The following ERVH48-1 variants were observed in gnomAD, a reference collection of about 807,000 sequenced individuals.
ERVH48-1 encodes suppressyn.
ERVH48-1 carries 4 observed loss-of-function variants against 2.4 expected under a neutral mutation model. The observed-to-expected ratio is 1.68, with a 90% confidence interval of 0.83 to 3.84. ERVH48-1 has a LOEUF of 3.84. Ranked by LOEUF, ERVH48-1 falls within the 30% of genes most tolerant of loss-of-function variation. The probability of loss-of-function intolerance (pLI) is 0.01; values close to 1 mark genes in which losing one functional copy is unlikely to be tolerated. For missense variants in ERVH48-1, 97 were observed against 43.4 expected (o/e 2.23, Z -3.47); for synonymous variants, 32 against 15.5 (o/e 2.06, Z -2.49).
chr21:42,924,248 G>A lies in ERVH48-1; in HGVS notation c.-286+1098C>T, dbSNP rs1159109018. Reference sequence around the variant, plus strand: ...AATGGGTACAGGCAGTGCAAGAATTGTCCTGAGGAGAGGATGGTGTAGGAA... The same window carrying A: ...AATGGGTACAGGCAGTGCAAGAATTATCCTGAGGAGAGGATGGTGTAGGAA... On this transcript the variant is annotated intron_variant, in intron 1 of 1. Transcript: ENST00000447535. Among the ~76,000 whole-genome samples the A allele has an allele frequency of 1.1e-4, 16 of 152,234 alleles. No individual in the cohort carries two copies. The South Asian group carries it at 2.3e-3, about 22-fold the overall frequency.
intron 1 of ERVH48-1, among the ~76,000 whole-genome samples, chr21:42,921,198 AG>A (rs1354755690): frequency 6.6e-6 from 1 of 151,960 alleles, no homozygotes; most frequent in Non-Finnish European, 1.5e-5. Context: ...AGAGGGAGAA[AG>A]GTTTGGTGAG....
chr21:42,920,597 G>C (rs1006834723), intron 1 of ERVH48-1, among the ~76,000 whole-genome samples: 1 of 152,162 alleles, frequency 6.6e-6, no homozygotes, highest in African/African-American at 2.4e-5. Flanking sequence ...TGAGGACGAT[G>C]AGTTCAGCCT....
At chr21:42,924,569 G>T (rs1351939724) in intron 1 of ERVH48-1, among the ~76,000 whole-genome samples, 1 of 152,244 alleles carries the variant, frequency 6.6e-6, no homozygotes, top group South Asian at 2.1e-4. Flanking sequence ...AGCAATAATT[G>T]CTTAAGTCAG....
chr21:42,920,270 AGAG>A (rs2058801961), intron 1 of ERVH48-1, among the ~76,000 whole-genome samples: 1 of 152,120 alleles, frequency 6.6e-6, no homozygotes, highest in Non-Finnish European at 1.5e-5. Context: ...TGGGGAGTAA[AGAG>A]GAGAGAACGA....
In ERVH48-1 at chr21:42,922,664, C is replaced by T. The variant is rs188292323; in HGVS notation, c.-286+2682G>A. 3.1e-3 allele frequency among the ~76,000 whole-genome samples: 447 copies of T among 145,820 alleles called. 1 individual carries two copies. The highest frequency in any genetic ancestry group is 0.01 in the African/African-American group (396 of 39,396). On this transcript the variant is annotated intron_variant, in intron 1 of 1. Transcript: ENST00000447535. Reference sequence around the variant, plus strand: ...CTGAGGCAGGAGAATGGCGTGAACCCGGGAGGCGGAGCTTGCAGTGAGCGG... The same window carrying T: ...CTGAGGCAGGAGAATGGCGTGAACCTGGGAGGCGGAGCTTGCAGTGAGCGG...
At chr21:42,925,081 G>T (rs182319824) in intron 1 of ERVH48-1, among the ~76,000 whole-genome samples, 3,116 of 152,192 alleles carry the variant, frequency 0.02, 46 homozygotes, top group South Asian at 0.075. Flanking sequence ...GAGTAGCTGG[G>T]ATTACAGGGG....
intron 1 of ERVH48-1, among the ~76,000 whole-genome samples, chr21:42,922,719 G>A (rs1194967123): frequency 7.9e-6 from 1 of 126,428 alleles, no homozygotes; most frequent in Non-Finnish European, 1.6e-5. Flanking sequence ...CAGCCTGGGA[G>A]ACAGAGCCAG....
rs1169606506 is a variant in ERVH48-1 at position 42,917,854 on chromosome 21, A to G, written c.*670T>C. ...TGGCTCCCTCCTACCTCCAAGGATC[A>G]TTTTTCTCTGGTTATCATACACAGG... On this transcript the variant is annotated 3_prime_UTR_variant, in exon 2 of 2. Coordinates refer to ENST00000447535, the MANE Select transcript of ERVH48-1 (RefSeq NM_001308491.2). The G allele has an allele frequency of 2.0e-5, 3 of 152,092 alleles. No individual in the cohort carries two copies. The highest frequency in any genetic ancestry group is 2.9e-5 in the Non-Finnish European group (2 of 68,052). 9.4% of individuals were successfully genotyped at this position (152,092 alleles called of 1,614,324 possible). A position where few individuals can be genotyped will look rare whatever the true frequency, so the allele number is the denominator to read the frequency against.
chr21:42,919,081 G>A lies in ERVH48-1; in HGVS notation c.-75C>T. The A allele has an allele frequency of 5.8e-6, 7 of 1,207,170 alleles. No homozygotes were observed. The highest frequency in any genetic ancestry group is 6.3e-6 in the Non-Finnish European group (6 of 948,116). 74.8% of individuals were successfully genotyped at this position (1,207,170 alleles called of 1,614,324 possible). On this transcript the variant is annotated 5_prime_UTR_variant, in exon 2 of 2. Coordinates refer to ENST00000447535, the MANE Select transcript of ERVH48-1 (RefSeq NM_001308491.2). The stretch of plus-strand genomic sequence containing the variant: ...AATGTTGGTTAATTTAAACTTGGTA[G>A]GAGAAATTGGCCCAGACAAACACTT...
chr21:42,924,444 C>T (rs181892484), intron 1 of ERVH48-1, among the ~76,000 whole-genome samples: 32 of 151,966 alleles, frequency 2.1e-4, no homozygotes, highest in Admixed American at 1.9e-3. Flanking sequence ...GCGATCAGGG[C>T]GGCGAGAATG....
intron 1 of ERVH48-1, among the ~76,000 whole-genome samples, chr21:42,924,556 G>A (rs1225308428): frequency 2.0e-5 from 3 of 152,164 alleles, no homozygotes; most frequent in Non-Finnish European, 2.9e-5. Context: ...TTTTCCAGCC[G>A]TCAGCAATAA....
At chr21:42,920,681 A>G (rs1488593595) in intron 1 of ERVH48-1, among the ~76,000 whole-genome samples, 1 of 152,178 alleles carries the variant, frequency 6.6e-6, no homozygotes, top group Non-Finnish European at 1.5e-5. Flanking sequence ...CATAGCCAGC[A>G]TGTTGGCATC....
intron 1 of ERVH48-1, among the ~76,000 whole-genome samples, chr21:42,922,718 A>C (rs929938528): frequency 2.3e-4 from 29 of 126,804 alleles, no homozygotes; most frequent in Non-Finnish European, 3.5e-4. Context: ...CCAGCCTGGG[A>C]GACAGAGCCA....
chr21:42,922,734 C>T (rs1398349871), intron 1 of ERVH48-1, among the ~76,000 whole-genome samples: 28 of 103,714 alleles, frequency 2.7e-4, no homozygotes, highest in African/African-American at 1.0e-3. Context: ...AGCCAGACTC[C>T]GTCTCAAAAA....
In ERVH48-1 at chr21:42,918,557, C is replaced by T. The variant is rs1009576611; in HGVS notation, c.450G>A (p.Pro150=). 13 of 456,108 alleles carry T rather than the reference C, an allele frequency of 2.9e-5. No homozygotes were observed. Among genetic ancestry groups the T allele is most frequent in the African/African-American group, 1.8e-4 (9 of 50,018 alleles). The allele number at this position is 456,108 out of a possible 1,614,324, so 28.3% of individuals were successfully genotyped here. A position where few individuals can be genotyped will look rare whatever the true frequency, so the allele number is the denominator to read the frequency against. ...TTTGTATAAAGGAATGGAAATGCCG[C>T]GGGCGATTTTCAGGGGGAGTTGTTG... ...SKPTTPPENR[P]RHFHSFIQKL is the part of the protein sequence containing the mutation. Residue 150 remains proline, a synonymous_variant, in exon 2 of 2, where the codon CCG becomes CCA. Coordinates refer to ENST00000447535, the MANE Select transcript of ERVH48-1 (RefSeq NM_001308491.2).
chr21:42,919,154 C>T lies in ERVH48-1; in HGVS notation c.-148G>A. 1 of 1,021,756 alleles carries T rather than the reference C, an allele frequency of 9.8e-7. No homozygotes were observed. Among genetic ancestry groups the T allele is most frequent in the Non-Finnish European group, 1.3e-6 (1 of 789,702 alleles). 63.3% of individuals were successfully genotyped at this position (1,021,756 alleles called of 1,614,324 possible). A position where few individuals can be genotyped will look rare whatever the true frequency, so the allele number is the denominator to read the frequency against. On this transcript the variant is annotated 5_prime_UTR_variant, in exon 2 of 2. Transcript: ENST00000447535. ...GAAGCTGCCTTGGGGGTGAGCTTGA[C>T]CCTGGTGCGATGGATCCAGTTGGGG...
chr21:42,920,145 T>C (rs1341321037), intron 1 of ERVH48-1, among the ~76,000 whole-genome samples: 1 of 151,686 alleles, frequency 6.6e-6, no homozygotes, highest in East Asian at 1.9e-4. Flanking sequence ...GAAAGAGTTG[T>C]GGAGGCTTTG....
intron 1 of ERVH48-1, among the ~76,000 whole-genome samples, chr21:42,922,094 A>T (rs138009598): frequency 6.6e-6 from 1 of 152,216 alleles, no homozygotes; most frequent in Non-Finnish European, 1.5e-5. Context: ...ACTGGCGAGG[A>T]GGCGAGAAAT....
In ERVH48-1 at chr21:42,923,792, G is replaced by A. The variant is rs895603598; in HGVS notation, c.-286+1554C>T. Among the ~76,000 whole-genome samples, 4 of 152,286 alleles carry A rather than the reference G, an allele frequency of 2.6e-5. No individual in the cohort carries two copies. In the East Asian group the frequency reaches 5.8e-4, roughly 22 times the overall value. Reference sequence around the variant, plus strand: ...TGTGCCTGAGCTAGGGTCCAGATACGGTCCCAGTCTTCTGGGGTGAGCGTG... The same window carrying A: ...TGTGCCTGAGCTAGGGTCCAGATACAGTCCCAGTCTTCTGGGGTGAGCGTG... On this transcript the variant is annotated intron_variant, in intron 1 of 1. Transcript: ENST00000447535.
Sources: allele counts gnomAD v4.1 joint callset (sites outside exome capture counted in the v4.1 genomes callset), GRCh38; gene constraint gnomAD v4.1.1; transcripts MANE v1.5; gene names NCBI Gene and HGNC (gene_info 2026-07-23, HGNC 2026-07-21).